Variants in HSD17B12 observed in about 807,000 individuals in gnomAD.
The protein encoded by HSD17B12 is hydroxysteroid 17-beta dehydrogenase 12.
HSD17B12 carries 32 observed loss-of-function variants against 39.3 expected under a neutral mutation model. That is an observed-to-expected ratio of 0.81 (90% CI 0.61 to 1.09). The LOEUF is 1.09. Ranked by LOEUF, HSD17B12 falls within the 50% of genes least tolerant of loss-of-function variation. HSD17B12 has a pLI of 0.00. For missense variants in HSD17B12, 342 were observed against 382.9 expected, an observed-to-expected ratio of 0.89 and a Z score of 0.89; for synonymous variants, 150 against 146.7, an observed-to-expected ratio of 1.02 and a Z score of -0.16.
chr11:43,841,987 TA>T, intron 9 of HSD17B12, among the ~76,000 whole-genome samples: 1 of 152,350 alleles, frequency 6.6e-6, no homozygotes, highest in Non-Finnish European at 1.5e-5. Flanking sequence ...TTATTATTTT[TA>T]ATTGCAGAAA....
At chr11:43,631,201 G>A in the HSD17B12 span, among the ~76,000 whole-genome samples, 2 of 152,218 alleles carry the variant, frequency 1.3e-5, no homozygotes, top group Admixed American at 6.5e-5. Context: ...GAGACTGAAG[G>A]TTGGTGCATT....
chr11:43,600,545 G>A, the HSD17B12 span, among the ~76,000 whole-genome samples: 1 of 152,080 alleles, frequency 6.6e-6, no homozygotes, highest in South Asian at 2.1e-4. Context: ...TTCTGACTAA[G>A]TCTGAAAAGT....
At chr11:43,605,420 G>A in the HSD17B12 span, among the ~76,000 whole-genome samples, 1 of 152,100 alleles carries the variant, frequency 6.6e-6, no homozygotes, top group South Asian at 2.1e-4. Context: ...AATTAGCCGT[G>A]TGTGGTGGCA....
At chr11:43,773,815 C>T (rs1950672307) in intron 3 of HSD17B12, among the ~76,000 whole-genome samples, 1 of 152,160 alleles carries the variant, frequency 6.6e-6, no homozygotes, top group African/African-American at 2.4e-5. Flanking sequence ...TAGATGTCTA[C>T]ATTTTGATTC....
At chr11:43,691,538 T>C (rs186644121) in intron 1 of HSD17B12, among the ~76,000 whole-genome samples, 8 of 152,298 alleles carry the variant, frequency 5.3e-5, no homozygotes, top group African/African-American at 9.6e-5. Context: ...CTCGCATCCA[T>C]ACCTTCCTCT....
the HSD17B12 span, chr11:43,670,477 A>AGGTTTTT: frequency 6.6e-6 from 1 of 152,218 alleles, no homozygotes; most frequent in African/African-American, 2.4e-5. Flanking sequence ...GGACTAGGGT[A>AGGTTTTT]GGTTTTTGGT....
chr11:43,828,309 A>AT (rs1158192305), intron 6 of HSD17B12, among the ~76,000 whole-genome samples: 1 of 144,428 alleles, frequency 6.9e-6, no homozygotes, highest in African/African-American at 2.6e-5. Flanking sequence ...CGCCCGGCTA[A>AT]TTTTTTGTAT....
intron 2 of HSD17B12, among the ~76,000 whole-genome samples, chr11:43,753,690 A>T (rs956185224): frequency 5.3e-5 from 8 of 151,892 alleles, no homozygotes; most frequent in Non-Finnish European, 1.0e-4. Context: ...CTGGGATTAC[A>T]GGCGTGAACC....
At chr11:43,711,474 GTTT>G (rs199831295) in intron 1 of HSD17B12, among the ~76,000 whole-genome samples, 6 of 129,608 alleles carry the variant, frequency 4.6e-5, no homozygotes, top group African/African-American at 5.6e-5. Context: ...TGGTTGGTTG[GTTT>G]TTTTTTTTTT....
chr11:43,773,685 A>G (rs568642503), intron 3 of HSD17B12, among the ~76,000 whole-genome samples: 1 of 152,356 alleles, frequency 6.6e-6, no homozygotes, highest in South Asian at 2.1e-4. Context: ...ATTAGAACCT[A>G]TACTGACACA....
intron 4 of HSD17B12, among the ~76,000 whole-genome samples, chr11:43,812,596 T>C (rs560466602): frequency 5.3e-5 from 8 of 152,196 alleles, no homozygotes; most frequent in Admixed American, 2.0e-4. Context: ...GTTGTTTGAG[T>C]TCTTTGTATA....
At chr11:43,808,249 G>A (rs183800383) in intron 4 of HSD17B12, among the ~76,000 whole-genome samples, 56 of 151,952 alleles carry the variant, frequency 3.7e-4, no homozygotes, top group African/African-American at 1.3e-3. Context: ...TGTTGAAGAA[G>A]CCTGGTGTAG....
chr11:43,770,404 T>A (rs1950637775), intron 3 of HSD17B12, among the ~76,000 whole-genome samples: 1 of 152,164 alleles, frequency 6.6e-6, no homozygotes, highest in Non-Finnish European at 1.5e-5. Flanking sequence ...ACCTCTTCAC[T>A]TGCTTAAGTA....
At chr11:43,682,703 G>A (rs568696285) in intron 1 of HSD17B12, among the ~76,000 whole-genome samples, 1 of 152,040 alleles carries the variant, frequency 6.6e-6, no homozygotes, top group South Asian at 2.1e-4. Flanking sequence ...TTTTATACAA[G>A]ATAAAAATTA....
chr11:43,560,109 T>C, the HSD17B12 span, among the ~76,000 whole-genome samples: 1 of 152,238 alleles, frequency 6.6e-6, no homozygotes, highest in Non-Finnish European at 1.5e-5. Flanking sequence ...TTCATCTTTA[T>C]ATTGTGTGAT....
intron 1 of HSD17B12, among the ~76,000 whole-genome samples, chr11:43,743,423 T>C (rs1445574665): frequency 6.6e-6 from 1 of 152,164 alleles, no homozygotes; most frequent in African/African-American, 2.4e-5. Context: ...ACCTGAGTCC[T>C]CATAGTGGGG....
At chr11:43,780,651 CTG>C (rs1035197716) in intron 3 of HSD17B12, among the ~76,000 whole-genome samples, 2 of 152,116 alleles carry the variant, frequency 1.3e-5, no homozygotes, top group African/African-American at 4.8e-5. Context: ...GAGTTATCAC[CTG>C]TCTTTACCAT....
chr11:43,733,798 C>G (rs576349249), intron 1 of HSD17B12: 409 of 712,734 alleles, frequency 5.7e-4, no homozygotes, highest in Non-Finnish European at 9.2e-4. Flanking sequence ...CAAGTTTGGC[C>G]TGGTCTTAGC....
At chr11:43,841,752 T>G (rs1202074202) in intron 9 of HSD17B12, among the ~76,000 whole-genome samples, 1 of 152,214 alleles carries the variant, frequency 6.6e-6, no homozygotes, top group Non-Finnish European at 1.5e-5. Context: ...TTGCTGCTCC[T>G]GCCTATCAGC....
Sources: allele counts gnomAD v4.1 joint callset (sites outside exome capture counted in the v4.1 genomes callset), GRCh38; gene constraint gnomAD v4.1.1; transcripts MANE v1.5; gene names NCBI Gene and HGNC (gene_info 2026-07-23, HGNC 2026-07-21).